The following MLXIP variants were observed in gnomAD, a reference collection of about 807,000 sequenced individuals.
MLXIP encodes the protein MLX interacting protein.
In MLXIP, 30 loss-of-function variants were observed where a neutral mutation model predicts 87.2. That is an observed-to-expected ratio of 0.34 (90% CI 0.26 to 0.47). The LOEUF is 0.47. Ranked by LOEUF, MLXIP falls within the 20% of genes least tolerant of loss-of-function variation. The pLI is 1.00. For missense variants in MLXIP, 1,002 were observed against 1,240.1 expected, an observed-to-expected ratio of 0.81 and a Z score of 2.88; for synonymous variants, 530 against 514.0, an observed-to-expected ratio of 1.03 and a Z score of -0.42.
chr12:122,089,782 T>C (rs954809974), intron 1 of MLXIP, among the ~76,000 whole-genome samples: 1 of 152,240 alleles, frequency 6.6e-6, no homozygotes, highest in African/African-American at 2.4e-5. Flanking sequence ...GTACCACATT[T>C]TGTTTTCTTG....
chr12:122,122,243 G>T (rs1020853673), intron 1 of MLXIP, among the ~76,000 whole-genome samples: 74 of 152,346 alleles, frequency 4.9e-4, no homozygotes, highest in African/African-American at 1.8e-3. Context: ...GGAAGATGTT[G>T]AGCTGGCAGC....
Position 122,083,218 on chromosome 12 carries a change from G to A in MLXIP, c.413+3952G>A, listed in dbSNP as rs138220725. Among the ~76,000 whole-genome samples, 7 of 152,182 alleles carry A rather than the reference G, an allele frequency of 4.6e-5. No homozygotes were observed. In the East Asian group the frequency reaches 5.8e-4, roughly 13 times the overall value. Reference sequence around the variant, plus strand: ...TTAGAAACTCCTTATTTCAGGGAGCGTTGGTATGAATATTTCCGGTGGTGG... The same window carrying A: ...TTAGAAACTCCTTATTTCAGGGAGCATTGGTATGAATATTTCCGGTGGTGG... On this transcript the variant is annotated intron_variant, in intron 1 of 16. Transcript: ENST00000319080.
In MLXIP at chr12:122,078,991, G is replaced by A. The variant is rs147186759; in HGVS notation, c.138G>A (p.Ala46=). ...DEPSPPPASG[A]ATPARAHASA... ...CGTCCCCGCCGCCCGCCTCCGGCGC[G>A]GCCACCCCGGCCCGGGCCCACGCGA... Residue 46 remains alanine (A), a synonymous_variant, in exon 1 of 17, where the codon GCG becomes GCA. Coordinates refer to ENST00000319080, the MANE Select transcript of MLXIP (RefSeq NM_014938.6). 0.19 allele frequency: 207,475 copies of A among 1,100,626 alleles called. 21,083 individuals are homozygous for A. The highest frequency in any genetic ancestry group is 0.21 in the Middle Eastern group (538 of 2,574). The allele number at this position is 1,100,626 out of a possible 1,614,324, so 68.2% of individuals were successfully genotyped here.
At chr12:122,114,753 T>TTGG (rs1952661739) in intron 1 of MLXIP, among the ~76,000 whole-genome samples, 4 of 107,024 alleles carry the variant, frequency 3.7e-5, no homozygotes, top group Admixed American at 8.6e-5. Flanking sequence ...TTTTTTTTTT[T>TTGG]TTGGTGGGGG....
intron 1 of MLXIP, among the ~76,000 whole-genome samples, chr12:122,112,632 G>C (rs2135944246): frequency 6.6e-6 from 1 of 150,884 alleles, no homozygotes; most frequent in South Asian, 2.1e-4. Context: ...GGGCAACAGA[G>C]CGAGACTCCA....
At chr12:122,128,162 T>C in intron 3 of MLXIP, 194 bp downstream of exon 3, 1 of 571,052 alleles carries the variant, frequency 1.8e-6, no homozygotes, top group Non-Finnish European at 3.2e-6. Flanking sequence ...AGCCTCCCCC[T>C]TCTCAGAGGG....
chr12:122,095,478 G>A (rs1010237797), intron 1 of MLXIP, among the ~76,000 whole-genome samples: 2,274 of 152,104 alleles, frequency 0.015, 45 homozygotes, highest in African/African-American at 0.052. Flanking sequence ...GATTCAAATA[G>A]CGTTTGTATT....
In MLXIP at chr12:122,107,007, C is replaced by T. The variant is rs79204171; in HGVS notation, c.414-20249C>T. Among the ~76,000 whole-genome samples, 1,501 of 152,294 alleles carry T rather than the reference C, an allele frequency of 9.9e-3. 101 individuals are homozygous for T. In the East Asian group the frequency reaches 0.17, roughly 17 times the overall value. On this transcript the variant is annotated intron_variant, in intron 1 of 16. Coordinates refer to ENST00000319080, the MANE Select transcript of MLXIP (RefSeq NM_014938.6). ...GGGTGCAGGACTCCAACTGGGCCCACGCCTCTCCTCTGAGAGCACTGGCAG... is the reference window on the plus strand; with the variant it reads ...GGGTGCAGGACTCCAACTGGGCCCATGCCTCTCCTCTGAGAGCACTGGCAG...
At chr12:122,101,883 C>T (rs1413450936) in intron 1 of MLXIP, among the ~76,000 whole-genome samples, 1 of 152,134 alleles carries the variant, frequency 6.6e-6, no homozygotes, top group Non-Finnish European at 1.5e-5. Context: ...CCGGCCTTCT[C>T]TTCAAGAAGT....
chr12:122,122,078 G>A (rs1026468952), intron 1 of MLXIP, among the ~76,000 whole-genome samples: 8 of 152,224 alleles, frequency 5.3e-5, no homozygotes, highest in African/African-American at 1.9e-4. Context: ...GATGGCAGGG[G>A]CGGGTTCAGG....
Position 122,137,649 on chromosome 12 carries a change from A to AG in MLXIP, c.2154+61dup. The AG allele has an allele frequency of 1.3e-6, 2 of 1,559,324 alleles. No homozygotes were observed. Among genetic ancestry groups the AG allele is most frequent in the Non-Finnish European group, 1.7e-6 (2 of 1,153,242 alleles). Reference sequence around the variant, plus strand: ...GAGGGGAGAGGAGTGCAGGACATCAAGGATCTGTGTCTTGTCTGGAACGGA... The same window carrying AG: ...GAGGGGAGAGGAGTGCAGGACATCAAGGGATCTGTGTCTTGTCTGGAACGGA... On this transcript the variant is annotated intron_variant, in intron 12 of 16. Transcript: ENST00000319080. The surrounding 1 kb of genome is among the most constrained non-coding windows in gnomAD (Gnocchi z 4.1).
chr12:122,138,336 C>A, intron 13 of MLXIP, 41 bp downstream of exon 13: 1 of 1,611,402 alleles, frequency 6.2e-7, no homozygotes, highest in Non-Finnish European at 8.5e-7. Flanking sequence ...GGCAGGGGAG[C>A]TGGCAGGACG....
chr12:122,118,646 G>A (rs1383537915), intron 1 of MLXIP, among the ~76,000 whole-genome samples: 2 of 152,030 alleles, frequency 1.3e-5, no homozygotes, highest in Non-Finnish European at 2.9e-5. Context: ...TCAGGAGTTC[G>A]AGACCAGCCT....
intron 1 of MLXIP, among the ~76,000 whole-genome samples, chr12:122,106,860 C>A (rs553529472): frequency 6.6e-6 from 1 of 152,210 alleles, no homozygotes; most frequent in East Asian, 1.9e-4. Flanking sequence ...CCTTGGCCTC[C>A]CGAAGTGCTG....
intron 1 of MLXIP, among the ~76,000 whole-genome samples, chr12:122,124,005 C>G (rs1055764629): frequency 4.6e-5 from 7 of 152,202 alleles, no homozygotes; most frequent in Non-Finnish European, 1.0e-4. Context: ...ACGCCACTTC[C>G]TCCAGAAAGC....
chr12:122,102,428 G>A (rs963090351), intron 1 of MLXIP, among the ~76,000 whole-genome samples: 2 of 152,164 alleles, frequency 1.3e-5, no homozygotes, highest in East Asian at 3.8e-4. Context: ...GTGTGGGAGA[G>A]CATCGAGATC....
chr12:122,079,534 T>G (rs1269443411), intron 1 of MLXIP, among the ~76,000 whole-genome samples: 1 of 152,212 alleles, frequency 6.6e-6, no homozygotes, highest in Admixed American at 6.5e-5. Context: ...ACCACCGATG[T>G]TGGACGAGGA....
Position 122,137,616 on chromosome 12 carries a change from C to T in MLXIP, c.2154+26C>T. On this transcript the variant is annotated intron_variant, in intron 12 of 16. Transcript: ENST00000319080. This position sits in a 1 kb window ranked among gnomAD's most constrained non-coding sequence, Gnocchi z 4.1. The stretch of plus-strand genomic sequence containing the variant: ...GTACCGCATGTCTCCTCTTGGTTCC[C>T]TTGGGAGGAGGGGAGAGGAGTGCAG... The T allele has an allele frequency of 6.2e-7, 1 of 1,611,458 alleles. No homozygotes were observed. The highest frequency in any genetic ancestry group is 8.5e-7 in the Non-Finnish European group (1 of 1,178,560).
chr12:122,134,205 G>GT (rs57471735), intron 9 of MLXIP: 164,463 of 485,870 alleles, frequency 0.34, 6,689 homozygotes, highest in Admixed American at 0.37. Flanking sequence ...TTTTTGTTTG[G>GT]TTTTTTTTTT....
Sources: gnomAD v4.1 joint callset for allele counts (sites outside exome capture counted in the v4.1 genomes callset) on GRCh38, gnomAD v4.1.1 for gene constraint, Gnocchi (gnomAD v3.1) non-coding constraint, MANE v1.5 for transcripts, NCBI Gene and HGNC (gene_info 2026-07-23, HGNC 2026-07-21) for gene names.